Variants in RXRA observed in about 807,000 individuals in gnomAD.
The protein encoded by RXRA is retinoid X receptor alpha, also known as retinoic acid receptor RXR-alpha.
A neutral mutation model predicts 44.5 loss-of-function variants in RXRA; 5 were observed. That is an observed-to-expected ratio of 0.11 (90% CI 0.06 to 0.24). The LOEUF is 0.24. RXRA is among the 10% of genes least tolerant of loss of function. The pLI is 1.00. For missense variants in RXRA, 412 were observed against 646.5 expected (o/e 0.64, Z 3.93); for synonymous variants, 291 against 271.4 (o/e 1.07, Z -0.71).
intron 5 of RXRA, among the ~76,000 whole-genome samples, chr9:134,419,874 C>T (rs35086389): frequency 0.013 from 1,924 of 152,290 alleles, 39 homozygotes; most frequent in African/African-American, 0.044. Context: ...CCTCCTCCTC[C>T]GCTCCGGCCT....
Position 134,439,312 on chromosome 9 carries a change from A to AGGC in RXRA, c.*2699_*2701dup, listed in dbSNP as rs1165841016. The AGGC allele has an allele frequency of 6.6e-6, 1 of 152,112 alleles. No individual in the cohort carries two copies. Among genetic ancestry groups the AGGC allele is most frequent in the African/African-American group, 2.4e-5 (1 of 41,398 alleles). 9.4% of individuals were successfully genotyped at this position (152,112 alleles called of 1,614,324 possible). On this transcript the variant is annotated 3_prime_UTR_variant, in exon 10 of 10. Transcript: ENST00000481739. ...GGACCCAGGGCACCCCGGCACCTTC[A>AGGC]GGCACGCTCCTCAGCTGGTCACCTC...
At chr9:134,413,157 G>A (rs950344243) in intron 4 of RXRA, among the ~76,000 whole-genome samples, 1 of 152,196 alleles carries the variant, frequency 6.6e-6, no homozygotes, top group Admixed American at 6.5e-5. Context: ...TTCCTCATCT[G>A]TGATGGGCTG....
At position 134,439,756 on chromosome 9, in the gene RXRA, T is replaced by G. The variant is rs1466406467; in HGVS notation, c.*3142T>G. Reference sequence around the variant, plus strand: ...TGTATGTGCTGTACAGAGAGACGCGTGTGGAGAGAGCCGCACACCAGCGCC... The same window carrying G: ...TGTATGTGCTGTACAGAGAGACGCGGGTGGAGAGAGCCGCACACCAGCGCC... On this transcript the variant is annotated 3_prime_UTR_variant, in exon 10 of 10. Transcript: ENST00000481739. 3 of 152,260 alleles carry G rather than the reference T, an allele frequency of 2.0e-5. No homozygotes were observed. Among genetic ancestry groups the G allele is most frequent in the African/African-American group, 7.2e-5 (3 of 41,454 alleles). The allele number at this position is 152,260 out of a possible 1,614,324, so 9.4% of individuals were successfully genotyped here.
At chr9:134,391,291 AG>A (rs929385618) in intron 1 of RXRA, among the ~76,000 whole-genome samples, 2 of 152,132 alleles carry the variant, frequency 1.3e-5, no homozygotes, top group African/African-American at 4.8e-5. Flanking sequence ...GGTGTTCCTG[AG>A]CCAGGTGGCC....
intron 4 of RXRA, among the ~76,000 whole-genome samples, chr9:134,416,586 G>A (rs185598723): frequency 6.6e-6 from 1 of 152,266 alleles, no homozygotes; most frequent in Admixed American, 6.5e-5. Context: ...CTTGGGAGGG[G>A]CGTGGGGTCT....
chr9:134,337,792 T>C (rs1554747532), intron 1 of RXRA, among the ~76,000 whole-genome samples: 1 of 152,062 alleles, frequency 6.6e-6, no homozygotes, highest in East Asian at 1.9e-4. Context: ...CAGACAGCAG[T>C]GCGCCTCCCT....
intron 4 of RXRA, among the ~76,000 whole-genome samples, chr9:134,414,913 C>T (rs563112153): frequency 6.8e-4 from 103 of 152,290 alleles, no homozygotes; most frequent in African/African-American, 2.1e-3. Flanking sequence ...GACCCCGCCC[C>T]GGATGAGCAC....
intron 6 of RXRA, chr9:134,425,449 T>C: frequency 1.0e-6 from 1 of 984,286 alleles, no homozygotes; most frequent in East Asian, 1.1e-4. Context: ...CCTGCCCCCT[T>C]CATCCCAGGC....
chr9:134,405,618 T>TTGGGA (rs1831037595), intron 2 of RXRA: 1 of 152,264 alleles, frequency 6.6e-6, no homozygotes, highest in Non-Finnish European at 1.5e-5. Context: ...AGCAGGTGGA[T>TTGGGA]CCCTACCCAC....
chr9:134,372,073 G>A (rs921641328), intron 1 of RXRA: 8 of 152,218 alleles, frequency 5.3e-5, no homozygotes, highest in Admixed American at 3.9e-4. Context: ...TGACGTCAAG[G>A]CAGGGTGACA....
chr9:134,347,776 G>A (rs1322488591), intron 1 of RXRA, among the ~76,000 whole-genome samples: 1 of 152,158 alleles, frequency 6.6e-6, no homozygotes, highest in African/African-American at 2.4e-5. Context: ...GGGCTGGGGC[G>A]GTCAGTTCAG....
intron 1 of RXRA, among the ~76,000 whole-genome samples, chr9:134,352,879 A>C (rs1564266397): frequency 6.6e-6 from 1 of 152,004 alleles, no homozygotes; most frequent in Non-Finnish European, 1.5e-5. Flanking sequence ...GAGACATGGG[A>C]GTTCTCTCCT....
chr9:134,409,412 G>A (rs34029290), intron 4 of RXRA, among the ~76,000 whole-genome samples: 67 of 152,340 alleles, frequency 4.4e-4, no homozygotes, highest in African/African-American at 1.5e-3. Flanking sequence ...TGGAGCGGGG[G>A]CATCTTCTGA....
Position 134,426,911 on chromosome 9 carries a change from G to C in RXRA, c.911-2197G>C, listed in dbSNP as rs1036065325. Reference sequence around the variant, plus strand: ...TGGGCCTGGTGTGGGAAGGGAGGGAGAGCCCTTTCCTAGGAGAGCATTTGC... The same window carrying C: ...TGGGCCTGGTGTGGGAAGGGAGGGACAGCCCTTTCCTAGGAGAGCATTTGC... On this transcript the variant is annotated intron_variant, in intron 6 of 9. Coordinates refer to ENST00000481739, the MANE Select transcript of RXRA (RefSeq NM_002957.6). This position sits in a 1 kb window ranked among gnomAD's most constrained non-coding sequence, Gnocchi z 4.6. The C allele has an allele frequency of 7.1e-6, 7 of 985,244 alleles. No individual in the cohort carries two copies. The African/African-American group carries it at 1.2e-4, about 17-fold the overall frequency. The allele number at this position is 985,244 out of a possible 1,614,324, so 61.0% of individuals were successfully genotyped here.
intron 4 of RXRA, among the ~76,000 whole-genome samples, chr9:134,415,210 G>A (rs1284402174): frequency 6.6e-6 from 1 of 152,222 alleles, no homozygotes; most frequent in Non-Finnish European, 1.5e-5. Context: ...GGAAACTGTT[G>A]GCACAGGGTG....
chr9:134,372,741 G>A (rs1325085355), intron 1 of RXRA, among the ~76,000 whole-genome samples: 1 of 152,232 alleles, frequency 6.6e-6, no homozygotes, highest in Non-Finnish European at 1.5e-5. Flanking sequence ...TACCACCTCA[G>A]AGGGTGGCAG....
At chr9:134,336,541 G>A (rs1291645851) in intron 1 of RXRA, among the ~76,000 whole-genome samples, 1 of 152,182 alleles carries the variant, frequency 6.6e-6, no homozygotes, top group Non-Finnish European at 1.5e-5. Context: ...GTGCCGCTGT[G>A]CCCCTGTGGC....
At chr9:134,357,132 G>C (rs1482050888) in intron 1 of RXRA, among the ~76,000 whole-genome samples, 1 of 152,186 alleles carries the variant, frequency 6.6e-6, no homozygotes, top group African/African-American at 2.4e-5. Flanking sequence ...TCCGCAGCCT[G>C]TTGCAATTGC....
intron 2 of RXRA, chr9:134,403,741 T>C (rs1468017571): frequency 6.5e-6 from 1 of 152,694 alleles, no homozygotes; most frequent in Admixed American, 6.5e-5. Flanking sequence ...TCTCTGTTGC[T>C]TCCTGTGCAG....
Sources: gnomAD v4.1 joint callset for allele counts (sites outside exome capture counted in the v4.1 genomes callset) on GRCh38, gnomAD v4.1.1 for gene constraint, Gnocchi (gnomAD v3.1) non-coding constraint, MANE v1.5 for transcripts, NCBI Gene and HGNC (gene_info 2026-07-23, HGNC 2026-07-21) for gene names.